The following FEZ2 variants were observed in gnomAD, a reference collection of about 807,000 sequenced individuals.
The protein encoded by FEZ2 is fasciculation and elongation protein zeta 2.
A neutral mutation model predicts 40.4 loss-of-function variants in FEZ2; 51 were observed. That is an observed-to-expected ratio of 1.26 (90% CI 1.01 to 1.59). The LOEUF is 1.59. Ranked by LOEUF, FEZ2 falls within the 40% of genes most tolerant of loss-of-function variation. FEZ2 has a pLI of 0.00. For synonymous variants in FEZ2, 242 were observed against 172.0 expected (o/e 1.41, Z -3.18); for missense variants, 640 against 438.3 (o/e 1.46, Z -4.11).
intron 5 of FEZ2, among the ~76,000 whole-genome samples, chr2:36,559,876 C>T (rs949608666): frequency 4.6e-5 from 7 of 152,208 alleles, no homozygotes; most frequent in Admixed American, 6.5e-5. Context: ...CTTCATGGAG[C>T]TCATTGATGA....
At chr2:36,559,253 A>G (rs1395072057) in intron 5 of FEZ2, 1 of 152,196 alleles carries the variant, frequency 6.6e-6, no homozygotes, top group Admixed American at 6.5e-5. Flanking sequence ...CATGTCTTTT[A>G]ACTAATCCCA....
chr2:36,578,891 G>A (rs1159291721), intron 4 of FEZ2, 26 bp from the exon 5 acceptor site: 1 of 1,586,440 alleles, frequency 6.3e-7, no homozygotes, highest in Non-Finnish European at 8.6e-7. Context: ...AAATACAGCA[G>A]ATATTAAGAC....
At chr2:36,578,098 T>C (rs1393290713) in intron 5 of FEZ2, among the ~76,000 whole-genome samples, 1 of 152,234 alleles carries the variant, frequency 6.6e-6, no homozygotes, top group East Asian at 1.9e-4. Flanking sequence ...ACTTACCTTC[T>C]TGTATTCCAA....
intron 5 of FEZ2, among the ~76,000 whole-genome samples, chr2:36,567,697 G>A (rs928977342): frequency 6.6e-6 from 1 of 151,870 alleles, no homozygotes; most frequent in Non-Finnish European, 1.5e-5. Flanking sequence ...GGGAGGCGGA[G>A]GTTGCAGTGA....
At position 36,553,176 on chromosome 2, in the gene FEZ2, A is replaced by G. The variant is rs755082918; in HGVS notation, c.1049T>C (p.Leu350Pro). Residue 350 changes from leucine (L) to proline (P), a missense_variant, in exon 8 of 8, where the codon CTG (leucine) becomes CCG (proline). Physicochemically the swap from Leu to Pro is moderately conservative, Grantham distance 98. Coordinates refer to ENST00000405912, the MANE Select transcript of FEZ2 (RefSeq NM_005102.3). ...SLLTDYILKV[L>P]CPT is the part of the protein sequence containing the mutation. ...AAAGTTGCTGCTCTATGTAGGACAC[A>G]GAACTAGAAGAAAAAGAGAACTTTT... 1.7e-5 allele frequency: 26 copies of G among 1,559,574 alleles called. No homozygotes were observed. Among genetic ancestry groups the G allele is most frequent in the Non-Finnish European group, 2.1e-5 (24 of 1,149,578 alleles).
At position 36,594,487 on chromosome 2, in the gene FEZ2, G is replaced by A. The variant is rs144162817; in HGVS notation, c.266+3390C>T. 310 of 196,992 alleles carry A rather than the reference G, an allele frequency of 1.6e-3. 2 individuals carry two copies. Among genetic ancestry groups the A allele is most frequent in the South Asian group, 4.3e-3 (37 of 8,622 alleles). The allele number at this position is 196,992 out of a possible 1,614,324, so 12.2% of individuals were successfully genotyped here. A position where few individuals can be genotyped will look rare whatever the true frequency, so the allele number is the denominator to read the frequency against. On this transcript the variant is annotated intron_variant, in intron 1 of 7. Coordinates refer to ENST00000405912, the MANE Select transcript of FEZ2 (RefSeq NM_005102.3). ...GCACTTCTTACATGGCGGCAGCAAGGGAAAATGAGGAAGGAGCAAAAGCGG... is the reference window on the plus strand; with the variant it reads ...GCACTTCTTACATGGCGGCAGCAAGAGAAAATGAGGAAGGAGCAAAAGCGG...
Position 36,571,942 on chromosome 2 carries a change from G to A in FEZ2, c.903+6655C>T, listed in dbSNP as rs1344099647. Among the ~76,000 whole-genome samples, 4 of 147,242 alleles carry A rather than the reference G, an allele frequency of 2.7e-5. No individual in the cohort carries two copies. In the East Asian group the frequency reaches 7.9e-4, roughly 29 times the overall value. On this transcript the variant is annotated intron_variant, in intron 5 of 7. Transcript: ENST00000405912. ...AGGCAGGAGAATCGCTGGAACCGGGGATGCGGAGGTTGCAGTGAGCCGAGA... is the reference window on the plus strand; with the variant it reads ...AGGCAGGAGAATCGCTGGAACCGGGAATGCGGAGGTTGCAGTGAGCCGAGA...
chr2:36,565,497 T>A (rs182949035), intron 5 of FEZ2, among the ~76,000 whole-genome samples: 3 of 152,240 alleles, frequency 2.0e-5, no homozygotes, highest in African/African-American at 7.2e-5. Context: ...ATGAGCAGCC[T>A]GCATTTCCCC....
intron 5 of FEZ2, among the ~76,000 whole-genome samples, chr2:36,560,171 A>C (rs2125220497): frequency 6.6e-6 from 1 of 152,380 alleles, no homozygotes; most frequent in East Asian, 1.9e-4. Context: ...TCATTATACA[A>C]AAATGTGAAT....
At chr2:36,596,590 G>A (rs894028613) in intron 1 of FEZ2, among the ~76,000 whole-genome samples, 1 of 152,032 alleles carries the variant, frequency 6.6e-6, no homozygotes, top group Non-Finnish European at 1.5e-5. Context: ...CGGGCAGCTG[G>A]GTCCGTGGGA....
At chr2:36,562,254 T>C (rs1393560940) in intron 5 of FEZ2, among the ~76,000 whole-genome samples, 1 of 152,220 alleles carries the variant, frequency 6.6e-6, no homozygotes, top group African/African-American at 2.4e-5. Flanking sequence ...TTCATGAATT[T>C]ATATTTTTAA....
At chr2:36,578,234 G>GA (rs1227753711) in intron 5 of FEZ2, among the ~76,000 whole-genome samples, 2 of 152,046 alleles carry the variant, frequency 1.3e-5, no homozygotes, top group African/African-American at 2.4e-5. Context: ...GCAAAAATAA[G>GA]AAAAAAACTA....
At position 36,566,205 on chromosome 2, in the gene FEZ2, T is replaced by C. The variant is rs542070516; in HGVS notation, c.904-7692A>G. On this transcript the variant is annotated intron_variant, in intron 5 of 7. Coordinates refer to ENST00000405912, the MANE Select transcript of FEZ2 (RefSeq NM_005102.3). The stretch of plus-strand genomic sequence containing the variant: ...AATACAAAAAATTCGCCAGGCACGG[T>C]GGCGGGCACCTGTAGTCCCAGCTAC... 8.0e-4 allele frequency among the ~76,000 whole-genome samples: 122 copies of C among 152,126 alleles called. 1 individual carries two copies. The highest frequency in any genetic ancestry group is 2.9e-3 in the African/African-American group (120 of 41,506).
At chr2:36,594,686 G>A (rs2888372) in intron 1 of FEZ2, 60,892 of 152,444 alleles carry the variant, frequency 0.4, 12,506 homozygotes, top group East Asian at 0.66. Context: ...CAGCCAAACC[G>A]TATCACTGAC....
At position 36,598,033 on chromosome 2, in the gene FEZ2, CCCGCCT is replaced by C. The variant is rs1277574377; in HGVS notation, c.104_109del (p.Glu35_Ala36del). 47 of 1,502,224 alleles carry C rather than the reference CCCGCCT, an allele frequency of 3.1e-5. No homozygotes were observed. In the African/African-American group the frequency reaches 6.1e-4, roughly 19 times the overall value. 93.1% of individuals were successfully genotyped at this position (1,502,224 alleles called of 1,614,324 possible). ...GTCGGCGCCCCCACCCGCCTCGGCC[CCCGCCT>C]CCGCCCCAGGCTCGGGGCTCGCGTT... On this transcript the variant is annotated inframe_deletion, in exon 1 of 8. Coordinates refer to ENST00000405912, the MANE Select transcript of FEZ2 (RefSeq NM_005102.3).
Position 36,590,969 on chromosome 2 carries a change from A to T in FEZ2, c.309T>A (p.Pro103=). The T allele has an allele frequency of 6.2e-7, 1 of 1,612,926 alleles. No individual in the cohort carries two copies. Among genetic ancestry groups the T allele is most frequent in the Middle Eastern group, 1.6e-4 (1 of 6,062 alleles). Reference sequence around the variant, plus strand: ...TAGTATGCGATGACTTCCAGTCTACAGGCATCACATTCCCATAATTATCTG... The same window carrying T: ...TAGTATGCGATGACTTCCAGTCTACTGGCATCACATTCCCATAATTATCTG... The part of the protein sequence containing the change: ...ALTDNYGNVM[P]VDWKSSHTRT... Residue 103 remains proline (P), a synonymous_variant, in exon 2 of 8, where the codon CCT becomes CCA. Coordinates refer to ENST00000405912, the MANE Select transcript of FEZ2 (RefSeq NM_005102.3).
chr2:36,583,311 TAG>T, intron 3 of FEZ2, 40 bp downstream of exon 3: 1 of 1,014,188 alleles, frequency 9.9e-7, no homozygotes, highest in Non-Finnish European at 1.5e-6. Flanking sequence ...TTTTCAGCTC[TAG>T]AGTCTCCTTT....
Position 36,581,410 on chromosome 2 carries a change from TTTC to T in FEZ2, c.511_513del (p.Glu171del). 1.9e-6 allele frequency: 3 copies of T among 1,613,490 alleles called. No homozygotes were observed. Among genetic ancestry groups the T allele is most frequent in the Non-Finnish European group, 2.5e-6 (3 of 1,179,458 alleles). On this transcript the variant is annotated inframe_deletion, in exon 4 of 8. Coordinates refer to ENST00000405912, the MANE Select transcript of FEZ2 (RefSeq NM_005102.3). ...TCTGGGTCCGGTGATTCCTGCATCA[TTTC>T]TTCAATTTCTTCAATAACCTTCGAA...
At chr2:36,586,097 G>A (rs1230223488) in intron 2 of FEZ2, among the ~76,000 whole-genome samples, 1 of 152,108 alleles carries the variant, frequency 6.6e-6, no homozygotes, top group Admixed American at 6.5e-5. Context: ...AAGATCAAGA[G>A]ACTAGGCTCT....
Sources: allele counts gnomAD v4.1 joint callset (sites outside exome capture counted in the v4.1 genomes callset), GRCh38; gene constraint gnomAD v4.1.1; transcripts MANE v1.5; gene names NCBI Gene and HGNC (gene_info 2026-07-23, HGNC 2026-07-21).